The following SCN1A variants were observed in gnomAD, a reference collection of about 807,000 sequenced individuals.
SCN1A encodes the protein sodium voltage-gated channel alpha subunit 1, also known as sodium channel protein type 1 subunit alpha.
Under a neutral mutation model 193.7 loss-of-function variants are expected in SCN1A, and 13 were observed. That is an observed-to-expected ratio of 0.07 (90% confidence interval 0.04 to 0.11). The LOEUF (loss-of-function observed/expected upper bound fraction) is 0.11. SCN1A is among the 10% of genes least tolerant of loss of function. The pLI is 1.00. For synonymous variants in SCN1A, 781 were observed against 843.6 expected, an observed-to-expected ratio of 0.93 and a Z score of 1.29; for missense variants, 1,432 against 2,451.1, an observed-to-expected ratio of 0.58 and a Z score of 8.78.
In SCN1A at chr2:166,044,008, T is replaced by C. The variant is rs1697496209; in HGVS notation, c.1704A>G (p.Arg568=). ...SIRGSLFSPR[R]NSRTSLFSFR... is the part of the protein sequence containing the mutation. ...AGCTGAAAAGGCTTGTTCTGCTATT[T>C]CGCCTTGGTGAAAATAGGGAGCCAC... The change falls in exon 14 of 29, where the codon CGA becomes CGG. Residue 568 remains arginine, a synonymous_variant. Transcript: ENST00000674923. The C allele has an allele frequency of 6.2e-7, 1 of 1,614,094 alleles. No individual in the cohort carries two copies. Among genetic ancestry groups the C allele is most frequent in the Non-Finnish European group, 8.5e-7 (1 of 1,180,036 alleles).
In SCN1A at chr2:166,039,719, G is replaced by T. The variant is rs1696906641; in HGVS notation, c.2416-123C>A. ...ATGATTCTATTACTAACTTAAATTTGTATGGCAATTTGTAGTTGATGAAAG... is the reference window on the plus strand; with the variant it reads ...ATGATTCTATTACTAACTTAAATTTTTATGGCAATTTGTAGTTGATGAAAG... On this transcript the variant is annotated intron_variant, in intron 16 of 28. Transcript: ENST00000674923. The T allele has an allele frequency of 4.7e-6, 4 of 855,986 alleles. No homozygotes were observed. The East Asian group carries it at 1.1e-4, about 23-fold the overall frequency. The allele number at this position is 855,986 out of a possible 1,614,324, so 53.0% of individuals were successfully genotyped here.
At chr2:166,061,527 TA>T (rs752578988) in intron 4 of SCN1A, among the ~76,000 whole-genome samples, 1 of 152,098 alleles carries the variant, frequency 6.6e-6, no homozygotes, top group Non-Finnish European at 1.5e-5. Flanking sequence ...CAGTTAAAAA[TA>T]ATTTATTATA....
chr2:166,092,411 A>C (rs1324807227), intron 2 of SCN1A: 1 of 152,240 alleles, frequency 6.6e-6, no homozygotes, highest in Non-Finnish European at 1.5e-5. Context: ...CAAATATAAA[A>C]AAGCAAGCTT....
chr2:166,059,249 G>A (rs1683024255), intron 4 of SCN1A, among the ~76,000 whole-genome samples: 1 of 152,160 alleles, frequency 6.6e-6, no homozygotes, highest in Non-Finnish European at 1.5e-5. Context: ...TTAGATGGAT[G>A]TAATCCAATA....
intron 4 of SCN1A, among the ~76,000 whole-genome samples, chr2:166,071,047 C>A (rs1483654169): frequency 6.6e-6 from 1 of 152,104 alleles, no homozygotes; most frequent in East Asian, 1.9e-4. Flanking sequence ...TAACATATCC[C>A]AAGAGCAGCC....
chr2:166,141,012 T>A (rs1437264357), intron 1 of SCN1A, among the ~76,000 whole-genome samples: 3 of 152,164 alleles, frequency 2.0e-5, no homozygotes, highest in Non-Finnish European at 4.4e-5. Flanking sequence ...TCTGTGCACA[T>A]TGGTGTTTGA....
intron 5 of SCN1A, among the ~76,000 whole-genome samples, chr2:166,057,866 G>A (rs771389832): frequency 2.0e-5 from 3 of 151,934 alleles, no homozygotes; most frequent in Non-Finnish European, 4.4e-5. Flanking sequence ...GAATTTAGTC[G>A]TGGAGTCCTT....
chr2:166,005,864 A>G (rs1691581668), intron 23 of SCN1A, among the ~76,000 whole-genome samples: 2 of 151,398 alleles, frequency 1.3e-5, no homozygotes, highest in South Asian at 4.1e-4. Flanking sequence ...TGTCTGAGAA[A>G]GGAGCTATCT....
intron 4 of SCN1A, among the ~76,000 whole-genome samples, chr2:166,068,970 G>A (rs558932124): frequency 5.0e-4 from 76 of 152,192 alleles, no homozygotes; most frequent in Non-Finnish European, 8.2e-4. Context: ...AACATGAGAA[G>A]GAAGACATTT....
chr2:166,020,461 G>C (rs1022693465), intron 19 of SCN1A, among the ~76,000 whole-genome samples: 2 of 152,106 alleles, frequency 1.3e-5, no homozygotes, highest in South Asian at 4.2e-4. Flanking sequence ...CAGGTCGTTG[G>C]CTACTGCCTA....
At chr2:166,143,167 ATTTT>A (rs66499233) in intron 1 of SCN1A, among the ~76,000 whole-genome samples, 1 of 126,182 alleles carries the variant, frequency 7.9e-6, no homozygotes, top group Non-Finnish European at 1.6e-5. Context: ...AGAACTCAGC[ATTTT>A]TTTTTTTTTT....
chr2:166,037,545 C>CTATATTGCTGTGTTG (rs1696550296), intron 18 of SCN1A, among the ~76,000 whole-genome samples: 1 of 152,092 alleles, frequency 6.6e-6, no homozygotes, highest in Non-Finnish European at 1.5e-5. Context: ...AGGGGCACTG[C>CTATATTGCTGTGTTG]TATATTGCTG....
chr2:166,049,575 C>G (rs1386078734), intron 9 of SCN1A, among the ~76,000 whole-genome samples: 1 of 151,908 alleles, frequency 6.6e-6, no homozygotes, highest in African/African-American at 2.4e-5. Flanking sequence ...AAAATAATGA[C>G]TATAGGTGAA....
At chr2:166,119,892 A>G (rs1013454873) in intron 2 of SCN1A, among the ~76,000 whole-genome samples, 2 of 152,100 alleles carry the variant, frequency 1.3e-5, no homozygotes, top group Non-Finnish European at 2.9e-5. Flanking sequence ...AAACTAATGT[A>G]CACTTTTATT....
intron 19 of SCN1A, among the ~76,000 whole-genome samples, chr2:166,017,738 T>C (rs1275712171): frequency 6.6e-6 from 1 of 152,024 alleles, no homozygotes; most frequent in African/African-American, 2.4e-5. Context: ...CAAAATTAAT[T>C]AAGAACTAGA....
chr2:166,034,891 C>A (rs1056858529), intron 19 of SCN1A, among the ~76,000 whole-genome samples: 3 of 152,148 alleles, frequency 2.0e-5, no homozygotes, highest in Non-Finnish European at 4.4e-5. Flanking sequence ...AGGTGGCTGT[C>A]TGCAACCCAA....
chr2:166,136,202 A>G (rs762176967), intron 1 of SCN1A, among the ~76,000 whole-genome samples: 1 of 152,142 alleles, frequency 6.6e-6, no homozygotes, highest in Non-Finnish European at 1.5e-5. Context: ...TGTGGGGAAG[A>G]GCAGGCTAAA....
Position 166,012,178 on chromosome 2 carries a change from T to C in SCN1A, c.3810A>G (p.Lys1270=). 6.2e-7 allele frequency: 1 copy of C among 1,610,526 alleles called. No individual in the cohort carries two copies. The highest frequency in any genetic ancestry group is 2.2e-5 in the East Asian group (1 of 44,732). ...ATGTTTGATAGCCATATGCCACCCA[T>C]TTTAGAAGCATTTCCAGAATGAAAA... ...TYIFILEMLL[K]WVAYGYQTYF... is the part of the protein sequence containing the mutation. Residue 1270 remains lysine (K), a synonymous_variant, in exon 22 of 29, where the codon AAA becomes AAG. Coordinates refer to ENST00000674923, the MANE Select transcript of SCN1A (RefSeq NM_001165963.4).
intron 19 of SCN1A, among the ~76,000 whole-genome samples, chr2:166,026,898 T>G (rs1694865298): frequency 6.6e-6 from 1 of 152,008 alleles, no homozygotes; most frequent in African/African-American, 2.4e-5. Context: ...TTAGCCAGGG[T>G]GGTCTCGATC....
Sources: allele counts gnomAD v4.1 joint callset (sites outside exome capture counted in the v4.1 genomes callset), GRCh38; gene constraint gnomAD v4.1.1; transcripts MANE v1.5; gene names NCBI Gene and HGNC (gene_info 2026-07-23, HGNC 2026-07-21).